DUS2: variants seen among roughly 807,000 people sequenced by gnomAD.
The protein encoded by DUS2 is dihydrouridine synthase 2.
A neutral mutation model predicts 71.3 loss-of-function variants in DUS2; 52 were observed. The ratio of observed to expected loss-of-function variants is 0.73; its 90% confidence interval spans 0.58 to 0.92. DUS2 has a LOEUF of 0.92. Ranked by LOEUF, DUS2 falls within the 40% of genes least tolerant of loss-of-function variation. The probability of loss-of-function intolerance (pLI) is 0.00; values close to 1 mark genes in which losing one functional copy is unlikely to be tolerated. For missense variants in DUS2, 558 were observed against 622.6 expected, an observed-to-expected ratio of 0.90 and a Z score of 1.10; for synonymous variants, 204 against 227.8, an observed-to-expected ratio of 0.90 and a Z score of 0.94.
At chr16:68,024,873 C>T (rs2033322479) in intron 1 of DUS2, among the ~76,000 whole-genome samples, 1 of 150,860 alleles carries the variant, frequency 6.6e-6, no homozygotes, top group South Asian at 2.1e-4. Flanking sequence ...ACTGTGTTGC[C>T]CAGGCTGGAG....
intron 3 of DUS2, among the ~76,000 whole-genome samples, chr16:68,041,676 G>T (rs954259574): frequency 6.6e-6 from 1 of 152,016 alleles, no homozygotes; most frequent in Non-Finnish European, 1.5e-5. Flanking sequence ...GCTTAGCCTG[G>T]TGGTGCACAC....
chr16:68,027,694 A>C (rs1307769800), intron 2 of DUS2, among the ~76,000 whole-genome samples: 6 of 152,254 alleles, frequency 3.9e-5, no homozygotes, highest in Non-Finnish European at 8.8e-5. Flanking sequence ...TCTTCTATTA[A>C]TAGTTGCCAG....
chr16:68,046,382 A>ATT (rs887057208), intron 3 of DUS2, among the ~76,000 whole-genome samples: 1 of 142,864 alleles, frequency 7.0e-6, no homozygotes. Context: ...GATTTCATTC[A>ATT]TTTTTTTTTT....
At chr16:68,029,253 A>AT (rs2033403214) in intron 2 of DUS2, among the ~76,000 whole-genome samples, 1 of 151,010 alleles carries the variant, frequency 6.6e-6, no homozygotes, top group Non-Finnish European at 1.5e-5. Context: ...CTAACAAATC[A>AT]TTTTTACTTT....
rs117829129 is a variant in DUS2 at position 68,062,941 on chromosome 16, C to A, written c.417+1828C>A. Among the ~76,000 whole-genome samples the A allele has an allele frequency of 2.7e-4, 41 of 152,212 alleles. No homozygotes were observed. In the East Asian group the frequency reaches 7.7e-3, roughly 29 times the overall value. On this transcript the variant is annotated intron_variant, in intron 8 of 16. Coordinates refer to ENST00000565263, the MANE Select transcript of DUS2 (RefSeq NM_017803.5). ...TGCAGGGTGGAGTGGAAGTAGACAT[C>A]TTGGATGTCAAATTGGTTTCCACAC...
Position 68,074,174 on chromosome 16 carries a change from T to C in DUS2, c.932+19T>C, listed in dbSNP as rs777034407. The C allele has an allele frequency of 6.2e-7, 1 of 1,613,768 alleles. No individual in the cohort carries two copies. Among genetic ancestry groups the C allele is most frequent in the South Asian group, 1.1e-5 (1 of 91,070 alleles). On this transcript the variant is annotated intron_variant, in intron 13 of 16. Transcript: ENST00000565263. Reference sequence around the variant, plus strand: ...AAATTTGGTAAGAGGCACAATAAGATGTCCATCTGTCCTTGTACGCATTGC... The same window carrying C: ...AAATTTGGTAAGAGGCACAATAAGACGTCCATCTGTCCTTGTACGCATTGC...
At chr16:68,053,698 C>T (rs758200359) in intron 5 of DUS2, 43 bp downstream of exon 5, 2 of 1,604,912 alleles carry the variant, frequency 1.2e-6, no homozygotes, top group South Asian at 2.2e-5. Context: ...GGCTCACCAT[C>T]CCCTGGGATT....
chr16:68,031,088 A>G (rs925982649), intron 2 of DUS2, among the ~76,000 whole-genome samples: 3 of 152,088 alleles, frequency 2.0e-5, no homozygotes, highest in South Asian at 4.1e-4. Context: ...AATGCTCTGG[A>G]AAGAATACTT....
intron 8 of DUS2, among the ~76,000 whole-genome samples, chr16:68,062,544 C>T (rs1293480420): frequency 6.6e-6 from 1 of 151,336 alleles, no homozygotes; most frequent in Non-Finnish European, 1.5e-5. Context: ...ACGGTGAAAC[C>T]CAGTCTCTAC....
At position 68,070,136 on chromosome 16, in the gene DUS2, A is replaced by T. The variant is rs139163251; in HGVS notation, c.557A>T (p.Lys186Met). The T allele has an allele frequency of 1.9e-6, 3 of 1,613,898 alleles. No homozygotes were observed. The Middle Eastern group carries it at 4.9e-4, about 266-fold the overall frequency. ...GIAAIAVHGR[K>M]REERPQHPVS... ...AGCCCCATCTTTCTATCTCCAAGGAAGCGGGAGGAGCGACCTCAGCATCCT... is the reference window on the plus strand; with the variant it reads ...AGCCCCATCTTTCTATCTCCAAGGATGCGGGAGGAGCGACCTCAGCATCCT... Residue 186 changes from lysine (K) to methionine (M), a missense_variant and splice_region_variant, in exon 11 of 17, where the codon AAG (lysine) becomes ATG (methionine). By Grantham distance (95) the Lys-to-Met change is moderately conservative. Transcript: ENST00000565263.
At chr16:68,058,993 C>T (rs1043785977) in intron 7 of DUS2, among the ~76,000 whole-genome samples, 2 of 152,142 alleles carry the variant, frequency 1.3e-5, no homozygotes, top group Admixed American at 6.5e-5. Context: ...GGGCAGATCA[C>T]CTGAGGTCAG....
At chr16:68,053,543 T>A in intron 4 of DUS2, 21 bp from the exon 5 acceptor site, 1 of 1,613,158 alleles carries the variant, frequency 6.2e-7, no homozygotes, top group East Asian at 2.2e-5. Context: ...AGTGACCCTA[T>A]GTGTTTGGGT....
chr16:68,026,447 T>A (rs2033352046), intron 2 of DUS2, among the ~76,000 whole-genome samples: 1 of 152,188 alleles, frequency 6.6e-6, no homozygotes, highest in Non-Finnish European at 1.5e-5. Flanking sequence ...GTAGCAGGGC[T>A]GTGCGCAGGT....
intron 3 of DUS2, among the ~76,000 whole-genome samples, chr16:68,045,786 G>A (rs1260909829): frequency 6.7e-6 from 1 of 150,298 alleles, no homozygotes; most frequent in Non-Finnish European, 1.5e-5. Flanking sequence ...GGAGTGAAGT[G>A]ACATGATCTT....
chr16:68,051,300 G>T (rs2033775392), intron 4 of DUS2, among the ~76,000 whole-genome samples: 3 of 152,164 alleles, frequency 2.0e-5, no homozygotes, highest in South Asian at 4.1e-4. Flanking sequence ...TGACCCTGGG[G>T]TAAACAAAGG....
At chr16:68,056,643 G>A (rs1379147237) in intron 7 of DUS2, among the ~76,000 whole-genome samples, 6 of 151,800 alleles carry the variant, frequency 4.0e-5, no homozygotes, top group African/African-American at 1.2e-4. Context: ...GATAACTTCT[G>A]TGGTTATGTA....
intron 8 of DUS2, among the ~76,000 whole-genome samples, chr16:68,064,609 T>C (rs1469106500): frequency 1.3e-5 from 2 of 152,172 alleles, no homozygotes; most frequent in Non-Finnish European, 2.9e-5. Context: ...AATGAGAATT[T>C]TTATTGTATT....
intron 8 of DUS2, among the ~76,000 whole-genome samples, chr16:68,061,828 A>G (rs150451563): frequency 7.2e-5 from 11 of 152,254 alleles, no homozygotes; most frequent in African/African-American, 2.4e-4. Context: ...GGCATCACCA[A>G]TGAGAGCTGC....
At chr16:68,053,079 C>T (rs933916190) in intron 4 of DUS2, among the ~76,000 whole-genome samples, 2 of 152,048 alleles carry the variant, frequency 1.3e-5, no homozygotes, top group Non-Finnish European at 2.9e-5. Flanking sequence ...TCTCCTGCCT[C>T]AGCCTCTCGA....
Sources: allele counts gnomAD v4.1 joint callset (sites outside exome capture counted in the v4.1 genomes callset), GRCh38; gene constraint gnomAD v4.1.1; transcripts MANE v1.5; gene names NCBI Gene and HGNC (gene_info 2026-07-23, HGNC 2026-07-21).